The following MAGI3 variants were observed in gnomAD, a reference collection of about 807,000 sequenced individuals.
MAGI3 encodes membrane-associated guanylate kinase, WW and PDZ domain-containing protein 3.
In MAGI3, 43 loss-of-function variants were observed where a neutral mutation model predicts 121.8. That is an observed-to-expected ratio of 0.35 (90% CI 0.28 to 0.46). MAGI3 has a LOEUF of 0.46. MAGI3 is among the 20% of genes least tolerant of loss of function. MAGI3 has a pLI of 1.00. For missense variants in MAGI3, 1,547 were observed against 1,797.3 expected (o/e 0.86, Z 2.52); for synonymous variants, 553 against 639.3 (o/e 0.86, Z 2.04).
chr1:113,678,766 C>A (rs1358009742), intron 19 of MAGI3, among the ~76,000 whole-genome samples: 3 of 152,122 alleles, frequency 2.0e-5, no homozygotes, highest in African/African-American at 7.2e-5. Flanking sequence ...AAAAATGAGA[C>A]CACAACACTA....
chr1:113,564,847 T>A (rs1364308185), intron 2 of MAGI3, among the ~76,000 whole-genome samples: 3 of 152,124 alleles, frequency 2.0e-5, no homozygotes, highest in African/African-American at 4.8e-5. Flanking sequence ...TTATTTATTT[T>A]TGATTTATTT....
chr1:113,643,659 C>G (rs1173893523), intron 10 of MAGI3, 84 bp from the exon 11 acceptor site: 15 of 1,308,794 alleles, frequency 1.1e-5, no homozygotes, highest in African/African-American at 4.4e-5. Flanking sequence ...AAAGTTGAAG[C>G]TAGTTTTATC....
In MAGI3 at chr1:113,672,489, C is replaced by T. The variant is rs1296606587; in HGVS notation, c.2919-126C>T. 6.1e-6 allele frequency: 6 copies of T among 989,714 alleles called. No homozygotes were observed. The African/African-American group carries it at 6.6e-5, about 11-fold the overall frequency. 61.3% of individuals were successfully genotyped at this position (989,714 alleles called of 1,614,324 possible). ...TGATCTGATTTTAGATATAGTCTGT[C>T]TTCATAGTGGTTTGTCAGAGGGAAA... is the stretch of plus-strand genomic sequence containing the variant. On this transcript the variant is annotated intron_variant, in intron 17 of 20. Coordinates refer to ENST00000307546, the MANE Select transcript of MAGI3 (RefSeq NM_001142782.2).
chr1:113,546,284 A>T (rs1218226624), intron 1 of MAGI3, among the ~76,000 whole-genome samples: 1 of 152,214 alleles, frequency 6.6e-6, no homozygotes, highest in Admixed American at 6.5e-5. Flanking sequence ...GCCTCAAAAA[A>T]GTGTGATAAC....
intron 9 of MAGI3, among the ~76,000 whole-genome samples, chr1:113,632,768 A>G (rs1352322907): frequency 6.6e-6 from 1 of 152,238 alleles, no homozygotes; most frequent in African/African-American, 2.4e-5. Flanking sequence ...ATTGCTGGAA[A>G]AAGAAGGATA....
intron 1 of MAGI3, among the ~76,000 whole-genome samples, chr1:113,541,111 G>T (rs1291070723): frequency 6.6e-6 from 1 of 152,152 alleles, no homozygotes; most frequent in Non-Finnish European, 1.5e-5. Context: ...GAAATAAGAA[G>T]GAAGGGGAGA....
intron 1 of MAGI3, among the ~76,000 whole-genome samples, chr1:113,410,375 A>G (rs1357720401): frequency 1.3e-5 from 2 of 152,172 alleles, no homozygotes; most frequent in South Asian, 2.1e-4. Flanking sequence ...AGGACAAAAA[A>G]TTGCTACTAA....
At chr1:113,551,265 G>A (rs1274014068) in intron 2 of MAGI3, among the ~76,000 whole-genome samples, 1 of 152,094 alleles carries the variant, frequency 6.6e-6, no homozygotes, top group Admixed American at 6.6e-5. Context: ...GCCTAGAGAG[G>A]CACTCAAGCA....
At chr1:113,429,622 G>A (rs72997051) in intron 1 of MAGI3, among the ~76,000 whole-genome samples, 2,154 of 152,214 alleles carry the variant, frequency 0.014, 39 homozygotes, top group African/African-American at 0.049. Context: ...GATTGGTTGC[G>A]GAAAGTGACC....
intron 2 of MAGI3, among the ~76,000 whole-genome samples, chr1:113,550,254 CA>C (rs200738964): frequency 1.2e-3 from 170 of 136,840 alleles, no homozygotes; most frequent in Middle Eastern, 8.8e-3. Context: ...ACTAAAAATA[CA>C]AAAAAAAAAA....
chr1:113,634,395 T>C (rs1651867641), intron 9 of MAGI3, among the ~76,000 whole-genome samples: 1 of 152,230 alleles, frequency 6.6e-6, no homozygotes, highest in Non-Finnish European at 1.5e-5. Context: ...CTAATCCATC[T>C]TGAATTAATT....
chr1:113,542,472 A>G (rs925158392), intron 1 of MAGI3, among the ~76,000 whole-genome samples: 1 of 152,230 alleles, frequency 6.6e-6, no homozygotes, highest in Non-Finnish European at 1.5e-5. Flanking sequence ...CGTGGAAGAC[A>G]AAACGTTAGA....
intron 1 of MAGI3, among the ~76,000 whole-genome samples, chr1:113,514,526 C>CA (rs1553194258): frequency 6.7e-6 from 1 of 148,750 alleles, no homozygotes; most frequent in Non-Finnish European, 1.5e-5. Context: ...ATCGCAAGAA[C>CA]AAAAAACCAA....
chr1:113,436,921 TCTCCTGCCTCCAC>T (rs1653595800), intron 1 of MAGI3, among the ~76,000 whole-genome samples: 1 of 151,538 alleles, frequency 6.6e-6, no homozygotes, highest in African/African-American at 2.4e-5. Flanking sequence ...TTCAGGCAAT[TCTCCTGCCTCCAC>T]CTCCAGAGTA....
intron 2 of MAGI3, among the ~76,000 whole-genome samples, chr1:113,555,936 ATAAT>A (rs1321265010): frequency 2.6e-5 from 4 of 152,210 alleles, no homozygotes; most frequent in Non-Finnish European, 4.4e-5. Context: ...TCAGAAATTA[ATAAT>A]TAATAGCACA....
At chr1:113,458,775 A>G (rs1654892574) in intron 1 of MAGI3, among the ~76,000 whole-genome samples, 1 of 151,868 alleles carries the variant, frequency 6.6e-6, no homozygotes, top group Admixed American at 6.6e-5. Context: ...GCAGCCTTGA[A>G]CTCCTGGGCT....
chr1:113,669,758 G>A (rs1407822265), intron 16 of MAGI3, among the ~76,000 whole-genome samples: 4 of 152,092 alleles, frequency 2.6e-5, no homozygotes, highest in African/African-American at 9.7e-5. Context: ...TTGAACTCCT[G>A]ACCTCAGGTG....
At position 113,469,694 on chromosome 1, in the gene MAGI3, CTT is replaced by C. The variant is rs1197966138; in HGVS notation, c.316+78346_316+78347del. 9.9e-5 allele frequency among the ~76,000 whole-genome samples: 15 copies of C among 152,116 alleles called. No homozygotes were observed. In the South Asian group the frequency reaches 2.7e-3, roughly 27 times the overall value. ...AGTGGTCCCAAGAATCAACTTATCTCTTATATTATTAATAGGAGAGATTTCTG... is the reference window on the plus strand; with the variant it reads ...AGTGGTCCCAAGAATCAACTTATCTCATATTATTAATAGGAGAGATTTCTG... On this transcript the variant is annotated intron_variant, in intron 1 of 20. Coordinates refer to ENST00000307546, the MANE Select transcript of MAGI3 (RefSeq NM_001142782.2).
intron 2 of MAGI3, among the ~76,000 whole-genome samples, chr1:113,557,123 A>G (rs1160279300): frequency 6.6e-6 from 1 of 152,172 alleles, no homozygotes; most frequent in Non-Finnish European, 1.5e-5. Flanking sequence ...GGAGAGTCCA[A>G]AAGTTTCAGA....
Sources: allele counts gnomAD v4.1 joint callset (sites outside exome capture counted in the v4.1 genomes callset), GRCh38; gene constraint gnomAD v4.1.1; transcripts MANE v1.5; gene names NCBI Gene and HGNC (gene_info 2026-07-23, HGNC 2026-07-21).